TBCK: variants seen among roughly 807,000 people sequenced by gnomAD.
The protein encoded by TBCK is TBC1 domain containing kinase.
A neutral mutation model predicts 113.4 loss-of-function variants in TBCK; 99 were observed. The observed-to-expected ratio is 0.87, with a 90% CI of 0.74 to 1.03. The LOEUF is 1.03. TBCK is among the 50% of genes least tolerant of loss of function. The probability of loss-of-function intolerance (pLI) is 0.00; values close to 1 mark genes in which losing one functional copy is unlikely to be tolerated. For synonymous variants in TBCK, 369 were observed against 370.8 expected (o/e 1.00, Z 0.05); for missense variants, 1,045 against 1,061.3 (o/e 0.98, Z 0.21).
chr4:106,238,996 A>G (rs1020367834), intron 12 of TBCK, among the ~76,000 whole-genome samples: 1 of 152,096 alleles, frequency 6.6e-6, no homozygotes, highest in South Asian at 2.1e-4. Context: ...CAGGGTGAAG[A>G]TCTGAGAAAA....
chr4:106,108,292 G>A (rs1242998828), intron 24 of TBCK, among the ~76,000 whole-genome samples: 1 of 152,232 alleles, frequency 6.6e-6, no homozygotes, highest in African/African-American at 2.4e-5. Context: ...AAGCCTGGCA[G>A]AGACACAGTA....
chr4:106,159,269 T>C (rs1176452672), intron 23 of TBCK, among the ~76,000 whole-genome samples: 4 of 152,108 alleles, frequency 2.6e-5, no homozygotes, highest in Admixed American at 1.3e-4. Flanking sequence ...ATTTTCAACA[T>C]AGTACTGGAA....
intron 23 of TBCK, among the ~76,000 whole-genome samples, chr4:106,128,220 C>T (rs977503635): frequency 2.0e-5 from 3 of 152,114 alleles, no homozygotes; most frequent in Non-Finnish European, 4.4e-5. Context: ...AGATGTGATA[C>T]AAATTCACAT....
At chr4:106,063,714 G>A (rs1472470040) in intron 25 of TBCK, among the ~76,000 whole-genome samples, 1 of 151,772 alleles carries the variant, frequency 6.6e-6, no homozygotes, top group Non-Finnish European at 1.5e-5. Flanking sequence ...GCCTTTGGGG[G>A]TGATGAGGTC....
chr4:106,098,638 T>C (rs927131434), intron 24 of TBCK, among the ~76,000 whole-genome samples: 2 of 152,076 alleles, frequency 1.3e-5, no homozygotes, highest in East Asian at 1.9e-4. Context: ...GGAATAATAA[T>C]AGTTATGAAA....
intron 20 of TBCK, among the ~76,000 whole-genome samples, chr4:106,203,821 G>T (rs1034217260): frequency 3.9e-5 from 6 of 151,982 alleles, no homozygotes; most frequent in Non-Finnish European, 7.4e-5. Flanking sequence ...GTAAAAGAAA[G>T]ACTATAAAAC....
intron 22 of TBCK, among the ~76,000 whole-genome samples, chr4:106,193,290 A>T (rs1485236961): frequency 6.6e-6 from 1 of 152,182 alleles, no homozygotes; most frequent in Non-Finnish European, 1.5e-5. Flanking sequence ...TATACTTTCC[A>T]TCACTGAAGA....
At chr4:106,064,226 T>A (rs1736371044) in intron 25 of TBCK, among the ~76,000 whole-genome samples, 1 of 151,972 alleles carries the variant, frequency 6.6e-6, no homozygotes, top group Non-Finnish European at 1.5e-5. Context: ...ATGAATCTGA[T>A]CATTTTTATT....
At chr4:106,273,791 G>C (rs947260760) in intron 3 of TBCK, among the ~76,000 whole-genome samples, 2 of 152,240 alleles carry the variant, frequency 1.3e-5, no homozygotes, top group African/African-American at 4.8e-5. Context: ...TCCAAAGGGG[G>C]TGTGACCCTG....
intron 23 of TBCK, among the ~76,000 whole-genome samples, chr4:106,148,448 A>C (rs934877166): frequency 6.6e-6 from 1 of 152,138 alleles, no homozygotes; most frequent in African/African-American, 2.4e-5. Flanking sequence ...ACGCTTAGGG[A>C]AAATAGAAAA....
chr4:106,293,159 T>C (rs547776737), intron 3 of TBCK, among the ~76,000 whole-genome samples: 5 of 152,326 alleles, frequency 3.3e-5, no homozygotes, highest in African/African-American at 1.2e-4. Context: ...GAGGATCAAC[T>C]AGACAATATC....
In TBCK at chr4:106,244,709, C is replaced by A; in HGVS notation, c.987G>T (p.Trp329Cys). The A allele has an allele frequency of 6.2e-7, 1 of 1,609,914 alleles. No homozygotes were observed. The highest frequency in any genetic ancestry group is 8.5e-7 in the Non-Finnish European group (1 of 1,177,068). ...TCTCCAAGTCACCTCCAGCCAAACA[C>A]CAAAGGTAATACACTTCTTCAATAG... ...ERSIEEVYYL[W>C]CLAGGDLEKE... The change falls in exon 11 of 26, where the codon TGG (tryptophan) becomes TGT (cysteine). Residue 329 changes from tryptophan to cysteine, a missense_variant. By Grantham distance (215) the Trp-to-Cys change is radical. Transcript: ENST00000394708.
intron 20 of TBCK, among the ~76,000 whole-genome samples, chr4:106,204,154 G>C (rs1755188261): frequency 6.6e-6 from 1 of 152,158 alleles, no homozygotes; most frequent in African/African-American, 2.4e-5. Context: ...GTGTTGAACA[G>C]TTTATATGCA....
At chr4:106,253,039 G>A (rs1162041703) in intron 5 of TBCK, among the ~76,000 whole-genome samples, 1 of 152,102 alleles carries the variant, frequency 6.6e-6, no homozygotes, top group Non-Finnish European at 1.5e-5. Context: ...AGCAGTTTAA[G>A]TGAAGAACAT....
At chr4:106,281,303 ATT>A (rs34073910) in intron 3 of TBCK, among the ~76,000 whole-genome samples, 4,097 of 148,286 alleles carry the variant, frequency 0.028, 177 homozygotes, top group African/African-American at 0.096. Flanking sequence ...ACTTCTAATC[ATT>A]TTTTTTTTTG....
intron 23 of TBCK, among the ~76,000 whole-genome samples, chr4:106,161,543 A>G (rs185612734): frequency 2.4e-4 from 37 of 152,284 alleles, no homozygotes; most frequent in Non-Finnish European, 3.2e-4. Context: ...AAAGTGTCTG[A>G]CCCAGTCCAA....
At chr4:106,077,470 A>G (rs748025409) in intron 25 of TBCK, among the ~76,000 whole-genome samples, 6 of 152,224 alleles carry the variant, frequency 3.9e-5, no homozygotes, top group Non-Finnish European at 5.9e-5. Flanking sequence ...AGGAATGGAG[A>G]AAGATTGATT....
At chr4:106,239,249 T>C (rs535753262) in intron 12 of TBCK, among the ~76,000 whole-genome samples, 11 of 152,084 alleles carry the variant, frequency 7.2e-5, no homozygotes, top group Middle Eastern at 3.4e-3. Flanking sequence ...CTGTCTCATG[T>C]TGGGGAGGAG....
intron 7 of TBCK, 65 bp downstream of exon 7, chr4:106,250,353 T>C: frequency 9.3e-7 from 1 of 1,069,542 alleles, no homozygotes; most frequent in Admixed American, 2.2e-5. Context: ...ACATCCTCAA[T>C]GTGCATGATT....
Sources: gnomAD v4.1 joint callset for allele counts (sites outside exome capture counted in the v4.1 genomes callset) on GRCh38, gnomAD v4.1.1 for gene constraint, MANE v1.5 for transcripts, NCBI Gene and HGNC (gene_info 2026-07-23, HGNC 2026-07-21) for gene names.